The following FRMD4A variants were observed in gnomAD, a reference collection of about 807,000 sequenced individuals.
FRMD4A encodes the protein FERM domain containing 4A.
A neutral mutation model predicts 129.1 loss-of-function variants in FRMD4A; 29 were observed. The observed-to-expected ratio is 0.22, with a 90% confidence interval of 0.17 to 0.31. The LOEUF (loss-of-function observed/expected upper bound fraction) is 0.31. FRMD4A is among the 10% of genes least tolerant of loss of function. The pLI, the probability that FRMD4A is intolerant of heterozygous loss-of-function variation, is 1.00. For synonymous variants in FRMD4A, 634 were observed against 571.6 expected, an observed-to-expected ratio of 1.11 and a Z score of -1.56; for missense variants, 1,272 against 1,375.8, an observed-to-expected ratio of 0.92 and a Z score of 1.19.
chr10:14,151,211 A>G (rs538917589), intron 2 of FRMD4A, among the ~76,000 whole-genome samples: 1 of 152,342 alleles, frequency 6.6e-6, no homozygotes, highest in African/African-American at 2.4e-5. Flanking sequence ...ACATGCACTC[A>G]TATGTTCATC....
At chr10:13,993,819 G>A (rs566637385) in intron 2 of FRMD4A, among the ~76,000 whole-genome samples, 1 of 148,730 alleles carries the variant, frequency 6.7e-6, no homozygotes, top group Admixed American at 6.8e-5. Context: ...TTTAAAATTT[G>A]CATTTGACCT....
intron 6 of FRMD4A, 101 bp downstream of exon 6, chr10:13,782,821 C>T (rs1474455324): frequency 3.5e-5 from 26 of 733,192 alleles, no homozygotes; most frequent in Non-Finnish European, 6.3e-5. Flanking sequence ...AATGACTTCT[C>T]CTAATCAATA....
At chr10:14,276,154 A>G (rs887697648) in intron 2 of FRMD4A, among the ~76,000 whole-genome samples, 1 of 152,194 alleles carries the variant, frequency 6.6e-6, no homozygotes, top group South Asian at 2.1e-4. Flanking sequence ...GTTTTTTCCC[A>G]CCGGAAGACA....
At chr10:13,816,246 T>C (rs548926307) in intron 3 of FRMD4A, among the ~76,000 whole-genome samples, 5 of 152,130 alleles carry the variant, frequency 3.3e-5, no homozygotes, top group Admixed American at 6.5e-5. Context: ...AGGGAGAAAA[T>C]AGATCCCAGA....
intron 2 of FRMD4A, among the ~76,000 whole-genome samples, chr10:14,057,611 C>T (rs901383483): frequency 2.0e-5 from 3 of 151,400 alleles, no homozygotes; most frequent in Non-Finnish European, 2.9e-5. Context: ...ACACTTGTTG[C>T]CCAGGCTGGA....
intron 2 of FRMD4A, among the ~76,000 whole-genome samples, chr10:14,155,491 T>C (rs1439271258): frequency 6.6e-6 from 1 of 152,068 alleles, no homozygotes; most frequent in Admixed American, 6.5e-5. Flanking sequence ...GTCTGTCCCT[T>C]CCCATGTGGC....
intron 2 of FRMD4A, among the ~76,000 whole-genome samples, chr10:14,182,169 G>T (rs1841934976): frequency 6.6e-6 from 1 of 152,204 alleles, no homozygotes; most frequent in Non-Finnish European, 1.5e-5. Flanking sequence ...GGACAAAAAT[G>T]ATAGTGATCA....
intron 2 of FRMD4A, among the ~76,000 whole-genome samples, chr10:14,236,723 A>G (rs1227914434): frequency 6.6e-6 from 1 of 152,230 alleles, no homozygotes; most frequent in East Asian, 1.9e-4. Context: ...TGCCCAAATC[A>G]GCAAGCGGTT....
intron 2 of FRMD4A, among the ~76,000 whole-genome samples, chr10:14,054,121 C>T (rs1309840887): frequency 6.6e-6 from 1 of 152,120 alleles, no homozygotes; most frequent in Non-Finnish European, 1.5e-5. Flanking sequence ...GCTCTGATCG[C>T]ACCACTGCAC....
chr10:13,835,924 A>G (rs1277748866), intron 3 of FRMD4A, among the ~76,000 whole-genome samples: 1 of 152,102 alleles, frequency 6.6e-6, no homozygotes, highest in Non-Finnish European at 1.5e-5. Context: ...TTGTATTATT[A>G]TTTTTATTCA....
intron 16 of FRMD4A, among the ~76,000 whole-genome samples, chr10:13,670,946 C>T (rs1325460868): frequency 6.6e-6 from 1 of 152,156 alleles, no homozygotes. Flanking sequence ...AAATCCCGTG[C>T]TCTTGACACT....
chr10:13,684,967 G>A, intron 15 of FRMD4A: 1 of 984,146 alleles, frequency 1.0e-6, no homozygotes, highest in Non-Finnish European at 1.2e-6. Flanking sequence ...ATAAATATGA[G>A]GAAAAGGTTA....
chr10:14,119,146 C>G (rs1043145640), intron 2 of FRMD4A, among the ~76,000 whole-genome samples: 1 of 152,112 alleles, frequency 6.6e-6, no homozygotes, highest in Non-Finnish European at 1.5e-5. Flanking sequence ...GCCAAGTGAG[C>G]CCTCAATGCA....
chr10:13,740,330 T>C (rs1588505621), intron 10 of FRMD4A, 79 bp from the exon 11 acceptor site: 3 of 1,034,102 alleles, frequency 2.9e-6, no homozygotes, highest in Admixed American at 1.8e-5. Flanking sequence ...TGGTATCATA[T>C]ATATATTTGT....
intron 2 of FRMD4A, among the ~76,000 whole-genome samples, chr10:13,970,054 A>C (rs1270400662): frequency 6.6e-6 from 1 of 152,064 alleles, no homozygotes. Flanking sequence ...TACTGCTTGA[A>C]TCTCCCAGCT....
intron 21 of FRMD4A, 148 bp downstream of exon 21, chr10:13,659,175 G>A: frequency 1.3e-6 from 1 of 746,102 alleles, no homozygotes; most frequent in Non-Finnish European, 2.3e-6. Flanking sequence ...GTTGACTGCT[G>A]CCAGCTTGGT....
intron 2 of FRMD4A, among the ~76,000 whole-genome samples, chr10:14,055,241 G>C: frequency 6.6e-6 from 1 of 152,150 alleles, no homozygotes; most frequent in East Asian, 1.9e-4. Flanking sequence ...TCTTCCAAAG[G>C]AGATTCAAGG....
chr10:13,656,687 C>T lies in FRMD4A; in HGVS notation c.2902G>A (p.Val968Met), dbSNP rs1415322494. 2.6e-6 allele frequency: 4 copies of T among 1,556,140 alleles called. No homozygotes were observed. Among genetic ancestry groups the T allele is most frequent in the Admixed American group, 1.9e-5 (1 of 53,632 alleles). ...ATCCTGGTGACCCTGCTGTGCGCCA[C>T]GAAGGTGCTCTGGGAGGAGGTGCTG... ...QYSTSSQSTF[V>M]AHSRVTRMPQ... The change falls in exon 22 of 25, where the codon GTG (valine) becomes ATG (methionine). Residue 968 changes from valine to methionine, a missense_variant. Coordinates refer to ENST00000357447, the MANE Select transcript of FRMD4A (RefSeq NM_018027.5).
At chr10:14,048,329 C>T (rs930192552) in intron 2 of FRMD4A, among the ~76,000 whole-genome samples, 1 of 152,186 alleles carries the variant, frequency 6.6e-6, no homozygotes, top group Non-Finnish European at 1.5e-5. Flanking sequence ...TTTGTAACTG[C>T]CTATTTGCTT....
Sources: allele counts gnomAD v4.1 joint callset (sites outside exome capture counted in the v4.1 genomes callset), GRCh38; gene constraint gnomAD v4.1.1; transcripts MANE v1.5; gene names NCBI Gene and HGNC (gene_info 2026-07-23, HGNC 2026-07-21).